The following SPATA1 variants were observed in gnomAD, a reference collection of about 807,000 sequenced individuals.
SPATA1 encodes spermatogenesis-associated protein 1.
Under a neutral mutation model 59.6 loss-of-function variants are expected in SPATA1, and 57 were observed. The ratio of observed to expected loss-of-function variants is 0.96; its 90% CI spans 0.77 to 1.19. The LOEUF (loss-of-function observed/expected upper bound fraction) is 1.19. Among genes scored for constraint, SPATA1 ranks in the 50% most tolerant of loss-of-function variants. SPATA1 has a pLI of 0.00. For missense variants in SPATA1, 448 were observed against 480.7 expected (o/e 0.93, Z 0.64); for synonymous variants, 147 against 163.9 (o/e 0.90, Z 0.79).
At position 84,544,270 on chromosome 1, in the gene SPATA1, A is replaced by G. The variant is rs764820240; in HGVS notation, c.786A>G (p.Ser262=). The G allele has an allele frequency of 3.8e-6, 6 of 1,589,820 alleles. No homozygotes were observed. The South Asian group carries it at 5.7e-5, about 15-fold the overall frequency. ...TTCCTTGTCAACCTGTTCTTTCTTC[A>G]GGAATAACTGATATATCTTTATTAC... Residue 262 remains serine (S), a synonymous_variant, in exon 9 of 13, where the codon TCA becomes TCG. Transcript: ENST00000490879.
At chr1:84,525,542 A>G (rs762838773) in intron 4 of SPATA1, among the ~76,000 whole-genome samples, 154 bp from the exon 5 acceptor site, 1 of 152,248 alleles carries the variant, frequency 6.6e-6, no homozygotes, top group Non-Finnish European at 1.5e-5. Flanking sequence ...TAAAAGTAAC[A>G]TTATATTCTA....
At chr1:84,565,960 T>G (rs1232905596) in exon 5 of SPATA1, 2 of 1,595,350 alleles carry the variant, frequency 1.3e-6, no homozygotes, top group African/African-American at 2.7e-5. Flanking sequence ...TCCAGTATAA[T>G]TATAGCATCT....
chr1:84,553,088 G>GAA lies in SPATA1; in HGVS notation c.1287_1288dup (p.Ile430LysfsTer2). The GAA allele has an allele frequency of 1.1e-5, 16 of 1,397,304 alleles. No individual in the cohort carries two copies. The highest frequency in any genetic ancestry group is 8.4e-5 in the East Asian group (3 of 35,680). 86.6% of individuals were successfully genotyped at this position (1,397,304 alleles called of 1,614,324 possible). ...GAACATTGAAAACTGAACTGGCACA[G>GAA]AAAAAAAAAATAATACATCTCTACA... is the stretch of plus-strand genomic sequence containing the variant. On this transcript the variant is annotated frameshift_variant, in exon 13 of 13. Transcript: ENST00000490879. LOFTEE classifies it low-confidence loss of function (END_TRUNC).
intron 12 of SPATA1, chr1:84,551,182 C>T: frequency 2.0e-6 from 2 of 985,162 alleles, no homozygotes; most frequent in African/African-American, 1.7e-5. Flanking sequence ...GAAGATTATA[C>T]ATTTTCATAC....
At chr1:84,541,177 A>G (rs570370949) in intron 8 of SPATA1, among the ~76,000 whole-genome samples, 3 of 152,246 alleles carry the variant, frequency 2.0e-5, no homozygotes, top group Non-Finnish European at 4.4e-5. Flanking sequence ...AGCAGGTTAT[A>G]TCTCAGTTGA....
intron 8 of SPATA1, among the ~76,000 whole-genome samples, chr1:84,543,726 T>C (rs534303945): frequency 6.6e-6 from 1 of 151,830 alleles, no homozygotes; most frequent in South Asian, 2.1e-4. Context: ...ACACAAAAAT[T>C]AGGAAAGATG....
intron 11 of SPATA1, 143 bp from the exon 12 acceptor site, chr1:84,550,289 G>A (rs1009022302): frequency 4.8e-6 from 2 of 414,996 alleles, no homozygotes; most frequent in Admixed American, 4.5e-5. Flanking sequence ...TTTCTCCAAA[G>A]CAATTTAGTT....
chr1:84,526,238 T>C, intron 6 of SPATA1, 165 bp downstream of exon 6: 1 of 554,466 alleles, frequency 1.8e-6, no homozygotes, highest in Non-Finnish European at 3.1e-6. Flanking sequence ...TTTTGCCAGA[T>C]GGGAGGAAAA....
rs1287393867 is a variant in SPATA1 at position 84,544,316 on chromosome 1, G to T, written c.820+12G>T. Reference sequence around the variant, plus strand: ...ATTACAAACTGAAAGTAAGTATAGTGCAATCGTAAGTACAGATGATTCTGT... The same window carrying T: ...ATTACAAACTGAAAGTAAGTATAGTTCAATCGTAAGTACAGATGATTCTGT... On this transcript the variant is annotated intron_variant, in intron 9 of 12. Coordinates refer to ENST00000490879, the Ensembl canonical transcript of SPATA1. 2.0e-6 allele frequency: 3 copies of T among 1,521,792 alleles called. No homozygotes were observed. The Admixed American group carries it at 5.8e-5, about 29-fold the overall frequency. 94.3% of individuals were successfully genotyped at this position (1,521,792 alleles called of 1,614,324 possible).
chr1:84,557,430 C>T (rs529804517), downstream of SPATA1, among the ~76,000 whole-genome samples: 7 of 148,244 alleles, frequency 4.7e-5, no homozygotes, highest in Admixed American at 1.4e-4. Flanking sequence ...CTACTCAGGA[C>T]GCTGAGGCAG....
exon 13 of SPATA1, chr1:84,554,419 C>T (rs1045989452): frequency 7.2e-5 from 11 of 152,152 alleles, no homozygotes; most frequent in African/African-American, 2.7e-4. Flanking sequence ...TTTTAATTCT[C>T]ACTCACTGTC....
intron 2 of SPATA1, chr1:84,520,025 T>C (rs1055812833): frequency 6.6e-6 from 1 of 152,214 alleles, no homozygotes; most frequent in African/African-American, 2.4e-5. Context: ...GATAGTTACA[T>C]AGAAGCATAG....
At chr1:84,532,475 G>A (rs530285371) in intron 6 of SPATA1, among the ~76,000 whole-genome samples, 18 of 151,940 alleles carry the variant, frequency 1.2e-4, no homozygotes, top group Non-Finnish European at 2.2e-4. Flanking sequence ...CAGCCTGGGC[G>A]ACAGAGCAAG....
chr1:84,548,759 T>C, intron 10 of SPATA1, 27 bp from the exon 11 acceptor site: 5 of 710,674 alleles, frequency 7.0e-6, no homozygotes, highest in Non-Finnish European at 8.9e-6. Context: ...CCTTTTTTTT[T>C]TTTTTTTTTT....
intron 4 of SPATA1, among the ~76,000 whole-genome samples, chr1:84,524,490 G>T (rs992337718): frequency 1.3e-5 from 2 of 152,130 alleles, no homozygotes; most frequent in African/African-American, 4.8e-5. Context: ...ATTTCAGTAA[G>T]AAAGTTTTAC....
At chr1:84,507,566 CAA>C (rs1304181286) in intron 1 of SPATA1, among the ~76,000 whole-genome samples, 2 of 152,182 alleles carry the variant, frequency 1.3e-5, no homozygotes, top group African/African-American at 4.8e-5. Flanking sequence ...AAAGCTATCT[CAA>C]TAAATATTGT....
chr1:84,523,349 C>A lies in SPATA1; in HGVS notation c.261+842C>A, dbSNP rs186696661. Among the ~76,000 whole-genome samples the A allele has an allele frequency of 8.4e-4, 128 of 152,290 alleles. 4 individuals are homozygous for A. Among genetic ancestry groups the A allele is most frequent in the African/African-American group, 2.9e-3 (119 of 41,564 alleles). ...CAAAGGTTCTGGTCTCTCATATCTACATAAATTTTATTTCCTTAATCAAGA... is the reference window on the plus strand; with the variant it reads ...CAAAGGTTCTGGTCTCTCATATCTAAATAAATTTTATTTCCTTAATCAAGA... On this transcript the variant is annotated intron_variant, in intron 4 of 12. Coordinates refer to ENST00000490879, the Ensembl canonical transcript of SPATA1.
chr1:84,565,143 G>A (rs147839291), intron 4 of SPATA1, among the ~76,000 whole-genome samples: 2,326 of 152,114 alleles, frequency 0.015, 56 homozygotes, highest in African/African-American at 0.052. Flanking sequence ...AGGCTGCAGT[G>A]AGCCCTGATC....
chr1:84,507,734 AACTCT>A (rs1682334079), intron 1 of SPATA1, among the ~76,000 whole-genome samples: 1 of 152,196 alleles, frequency 6.6e-6, no homozygotes, highest in Admixed American at 6.5e-5. Flanking sequence ...TATATCACTG[AACTCT>A]TAGAACCGTG....
Sources: gnomAD v4.1 joint callset for allele counts (sites outside exome capture counted in the v4.1 genomes callset) on GRCh38, gnomAD v4.1.1 for gene constraint, MANE v1.5 for transcripts, NCBI Gene and HGNC (gene_info 2026-07-23, HGNC 2026-07-21) for gene names.